DNAAF5: variants seen among roughly 807,000 people sequenced by gnomAD.
DNAAF5 encodes the protein HEAT repeat containing 2.
DNAAF5 carries 64 observed loss-of-function variants against 75.8 expected under a neutral mutation model. That is an observed-to-expected ratio of 0.84 (90% CI 0.69 to 1.04). The LOEUF (loss-of-function observed/expected upper bound fraction) is 1.04. Among genes scored for constraint, DNAAF5 ranks in the 50% least tolerant of loss-of-function variants. The pLI, the probability that DNAAF5 is intolerant of heterozygous loss-of-function variation, is 0.00. For missense variants in DNAAF5, 1,269 were observed against 1,178.5 expected, an observed-to-expected ratio of 1.08 and a Z score of -1.12; for synonymous variants, 657 against 557.2, an observed-to-expected ratio of 1.18 and a Z score of -2.52.
At chr7:740,477 G>A (rs1039631450) in intron 2 of DNAAF5, among the ~76,000 whole-genome samples, 1 of 152,200 alleles carries the variant, frequency 6.6e-6, no homozygotes, top group South Asian at 2.1e-4. Flanking sequence ...CTTTGAACAC[G>A]CTGCACGGCT....
intron 4 of DNAAF5, among the ~76,000 whole-genome samples, chr7:748,602 G>T (rs542522151): frequency 6.6e-6 from 1 of 152,008 alleles, no homozygotes; most frequent in Non-Finnish European, 1.5e-5. Flanking sequence ...GGCAGCTGCC[G>T]CCCCCATCCC....
Position 726,763 on chromosome 7 carries a change from C to T in DNAAF5, c.43C>T (p.Pro15Ser). ...GVAEAVAAPH[P>S]AEGAETAEAV... is the part of the protein sequence containing the mutation. ...GGCGGAGGCCGTGGCGGCCCCACAC[C>T]CGGCTGAGGGGGCCGAGACGGCTGA... The change falls in exon 1 of 13, where the codon CCG (proline) becomes TCG (serine). Residue 15 changes from proline to serine, a missense_variant. Pro to Ser is a moderately conservative substitution (Grantham distance 74, BLOSUM62 -1). Transcript: ENST00000297440. The T allele has an allele frequency of 8.0e-7, 1 of 1,256,850 alleles. No homozygotes were observed. The allele number at this position is 1,256,850 out of a possible 1,614,324, so 77.9% of individuals were successfully genotyped here. A position where few individuals can be genotyped will look rare whatever the true frequency, so the allele number is the denominator to read the frequency against.
rs1257385763 is a variant in DNAAF5 at position 775,087 on chromosome 7, T to G, written c.2164T>G (p.Cys722Gly). The change falls in exon 11 of 13, where the codon TGC (cysteine) becomes GGC (glycine). Residue 722 changes from cysteine (C) to glycine (G), a missense_variant. Transcript: ENST00000297440. The stretch of plus-strand genomic sequence containing the variant: ...TTCGAAGATGACGCGACTGATCTCA[T>G]GCCGTATTATCAACACGTTCTTAAA... The part of the protein sequence containing the change: ...EDSKMTRLIS[C>G]RIINTFLKTS... 4 of 1,614,008 alleles carry G rather than the reference T, an allele frequency of 2.5e-6. No homozygotes were observed. The African/African-American group carries it at 5.3e-5, about 22-fold the overall frequency.
chr7:773,765 T>A (rs1452264467), intron 9 of DNAAF5, among the ~76,000 whole-genome samples: 1 of 152,082 alleles, frequency 6.6e-6, no homozygotes, highest in African/African-American at 2.4e-5. Flanking sequence ...AAGTGCACCC[T>A]CGGCCCAGGG....
At chr7:782,584 C>G (rs200622196) in intron 12 of DNAAF5, among the ~76,000 whole-genome samples, 7 of 133,986 alleles carry the variant, frequency 5.2e-5, no homozygotes, top group Non-Finnish European at 6.3e-5. Context: ...CGGATCTTCC[C>G]GGCGTGGCCG....
intron 4 of DNAAF5, among the ~76,000 whole-genome samples, chr7:741,863 G>A (rs1479861241): frequency 6.6e-6 from 1 of 152,180 alleles, no homozygotes; most frequent in African/African-American, 2.4e-5. Context: ...GTGGGATGAG[G>A]GGCTTATCAT....
intron 12 of DNAAF5, among the ~76,000 whole-genome samples, chr7:783,960 G>T (rs1260003116): frequency 2.0e-5 from 3 of 151,674 alleles, no homozygotes. Context: ...CCACTGCACG[G>T]TACAGGCCAT....
At chr7:752,837 G>C (rs1782351608) in intron 4 of DNAAF5, among the ~76,000 whole-genome samples, 1 of 152,246 alleles carries the variant, frequency 6.6e-6, no homozygotes, top group South Asian at 2.1e-4. Flanking sequence ...TTTATCTCCA[G>C]AGTATAGGAA....
intron 4 of DNAAF5, among the ~76,000 whole-genome samples, chr7:745,582 TAC>T (rs746494858): frequency 1.2e-4 from 19 of 152,136 alleles, no homozygotes; most frequent in African/African-American, 4.3e-4. Context: ...CACACCCATA[TAC>T]ACATCTGCAC....
Position 741,083 on chromosome 7 carries a change from A to G in DNAAF5, c.905+140A>G, listed in dbSNP as rs2128072917. 3 of 1,057,986 alleles carry G rather than the reference A, an allele frequency of 2.8e-6. No individual in the cohort carries two copies. In the East Asian group the frequency reaches 7.4e-5, roughly 26 times the overall value. The allele number at this position is 1,057,986 out of a possible 1,614,324, so 65.5% of individuals were successfully genotyped here. A position where few individuals can be genotyped will look rare whatever the true frequency, so the allele number is the denominator to read the frequency against. ...TGCTCCGAAGGGATGTGCCGTACAG[A>G]AGTCGTCTCGTTTTGTAAATGGCAT... On this transcript the variant is annotated intron_variant, in intron 3 of 12. Transcript: ENST00000297440.
intron 6 of DNAAF5, among the ~76,000 whole-genome samples, chr7:760,739 G>A (rs763085526): frequency 1.2e-4 from 19 of 152,338 alleles, no homozygotes; most frequent in Non-Finnish European, 2.5e-4. Flanking sequence ...GCTGTGTTGC[G>A]GGCTTCAGAG....
At chr7:733,966 G>T (rs1781660024) in intron 2 of DNAAF5, among the ~76,000 whole-genome samples, 1 of 152,286 alleles carries the variant, frequency 6.6e-6, no homozygotes, top group Admixed American at 6.5e-5. Context: ...TTTGTATCCT[G>T]CAACTTTACT....
chr7:760,450 T>C (rs1782611242), intron 6 of DNAAF5, among the ~76,000 whole-genome samples: 1 of 152,200 alleles, frequency 6.6e-6, no homozygotes, highest in Non-Finnish European at 1.5e-5. Flanking sequence ...CTCTGTACTT[T>C]ATGAAACATA....
chr7:727,095 G>A lies in DNAAF5; in HGVS notation c.375G>A (p.Leu125=), dbSNP rs1781341709. Residue 125 remains leucine, a synonymous_variant, in exon 1 of 13, where the codon TTG becomes TTA. Coordinates refer to ENST00000297440, the MANE Select transcript of DNAAF5 (RefSeq NM_017802.4). ...PRLLPALAAR[L]AGPVPARRPP... ...TGCTGCCCGCGCTCGCCGCGCGCTT[G>A]GCCGGCCCCGTGCCCGCGCGCCGCC... The A allele has an allele frequency of 9.4e-7, 1 of 1,065,992 alleles. No individual in the cohort carries two copies. The highest frequency in any genetic ancestry group is 1.1e-6 in the Non-Finnish European group (1 of 885,706). 66.0% of individuals were successfully genotyped at this position (1,065,992 alleles called of 1,614,324 possible).
At chr7:745,067 G>C (rs1023326166) in intron 4 of DNAAF5, among the ~76,000 whole-genome samples, 4 of 152,212 alleles carry the variant, frequency 2.6e-5, no homozygotes, top group Non-Finnish European at 5.9e-5. Context: ...GGGCTTCTGC[G>C]TTGGTCGGAC....
intron 12 of DNAAF5, among the ~76,000 whole-genome samples, chr7:784,033 ACCTCCC>A (rs1779069684): frequency 3.9e-5 from 4 of 101,406 alleles, no homozygotes; most frequent in African/African-American, 1.1e-4. Context: ...CACCTCCCCC[ACCTCCC>A]CCACCGCACA....
chr7:746,428 A>T (rs143708401), intron 4 of DNAAF5, among the ~76,000 whole-genome samples: 3,213 of 8,394 alleles, frequency 0.38, 1,105 homozygotes, highest in African/African-American at 0.48. Context: ...CCCCCACCCA[A>T]CATGCCCAGG....
Position 758,352 on chromosome 7 carries a change from G to A in DNAAF5, c.1470+1358G>A, listed in dbSNP as rs867565853. Among the ~76,000 whole-genome samples the A allele has an allele frequency of 9.9e-5, 15 of 152,184 alleles. 1 individual carries two copies. The highest frequency in any genetic ancestry group is 7.9e-4 in the Admixed American group (12 of 15,280). On this transcript the variant is annotated intron_variant, in intron 6 of 12. Transcript: ENST00000297440. The stretch of plus-strand genomic sequence containing the variant: ...ATCTCCATGTTGGTTACAGGAAAAC[G>A]GAATTGTGTCATCCCACAGTTGTGC...
intron 8 of DNAAF5, among the ~76,000 whole-genome samples, chr7:766,276 TTTC>T (rs1782818983): frequency 1.3e-5 from 2 of 152,218 alleles, no homozygotes; most frequent in South Asian, 2.1e-4. Context: ...TGATTTTTAT[TTTC>T]TTCTTTATTT....
Sources: gnomAD v4.1 joint callset for allele counts (sites outside exome capture counted in the v4.1 genomes callset) on GRCh38, gnomAD v4.1.1 for gene constraint, MANE v1.5 for transcripts, NCBI Gene and HGNC (gene_info 2026-07-23, HGNC 2026-07-21) for gene names.